Variants in CXADR observed in about 807,000 individuals in gnomAD.
CXADR encodes the protein coxsackievirus and adenovirus receptor.
In CXADR, 20 loss-of-function variants were observed where a neutral mutation model predicts 40.3. The observed-to-expected ratio is 0.50, with a 90% CI of 0.35 to 0.72. The LOEUF (loss-of-function observed/expected upper bound fraction) is 0.72. Ranked by LOEUF, CXADR falls within the 30% of genes least tolerant of loss-of-function variation. The pLI is 0.01. For missense variants in CXADR, 332 were observed against 449.1 expected (o/e 0.74, Z 2.36); for synonymous variants, 150 against 161.3 (o/e 0.93, Z 0.53).
At chr21:17,596,348 G>A (rs80110501), downstream of CXADR, among the ~76,000 whole-genome samples, 964 of 152,000 alleles carry the variant, frequency 6.3e-3, 59 homozygotes, top group East Asian at 0.13. Flanking sequence ...ACCCTCTAGA[G>A]GAAATATTTG....
In CXADR at chr21:17,536,407, T is replaced by G. The variant is rs148313784; in HGVS notation, c.44-10620T>G. Among the ~76,000 whole-genome samples, 618 of 152,286 alleles carry G rather than the reference T, an allele frequency of 4.1e-3. 3 individuals carry two copies. The highest frequency in any genetic ancestry group is 0.014 in the African/African-American group (578 of 41,566). On this transcript the variant is annotated intron_variant, in intron 1 of 6. Coordinates refer to ENST00000284878, the MANE Select transcript of CXADR (RefSeq NM_001338.5). ...CCCATGTAGGCTTCATTGTTCGGGTTCTTTGCTTCTCTGGATGCACAGTCA... is the reference window on the plus strand; with the variant it reads ...CCCATGTAGGCTTCATTGTTCGGGTGCTTTGCTTCTCTGGATGCACAGTCA...
At position 17,569,320 on chromosome 21, in the gene CXADR, A is replaced by G; in HGVS notation, c.*3628A>G. The stretch of plus-strand genomic sequence containing the variant: ...GTCACATAAAGAGTAGTTTGTAGAA[A>G]ATGTTGGCACAATTTTAACTTCTTA... On this transcript the variant is annotated 3_prime_UTR_variant, in exon 7 of 7. Transcript: ENST00000284878. 2 of 985,258 alleles carry G rather than the reference A, an allele frequency of 2.0e-6. No homozygotes were observed. The highest frequency in any genetic ancestry group is 2.4e-6 in the Non-Finnish European group (2 of 829,880). 61.0% of individuals were successfully genotyped at this position (985,258 alleles called of 1,614,324 possible).
intron 7 of CXADR, among the ~76,000 whole-genome samples, chr21:17,581,937 G>A (rs931957192): frequency 1.6e-4 from 23 of 143,466 alleles, no homozygotes; most frequent in Non-Finnish European, 8.0e-5. Context: ...TTGTTTGTTT[G>A]TTTGTTTGTT....
chr21:17,567,882 A>G lies in CXADR; in HGVS notation c.*2190A>G, dbSNP rs1310603753. ...CCTTCCTTTTTTTTTTTAATAACAT[A>G]TGAGGAACAAGACTTCTCTTCCCAT... On this transcript the variant is annotated 3_prime_UTR_variant, in exon 7 of 7. Coordinates refer to ENST00000284878, the MANE Select transcript of CXADR (RefSeq NM_001338.5). The G allele has an allele frequency of 1.0e-6, 1 of 971,966 alleles. No homozygotes were observed. The highest frequency in any genetic ancestry group is 1.2e-6 in the Non-Finnish European group (1 of 818,550). The allele number at this position is 971,966 out of a possible 1,614,324, so 60.2% of individuals were successfully genotyped here. A position where few individuals can be genotyped will look rare whatever the true frequency, so the allele number is the denominator to read the frequency against.
chr21:17,564,321 T>TA (rs35399069), intron 6 of CXADR, among the ~76,000 whole-genome samples: 25,156 of 138,928 alleles, frequency 0.18, 2,255 homozygotes, highest in East Asian at 0.24. Context: ...ATGTCTCTAT[T>TA]AAAAAAAAAA....
At chr21:17,541,559 A>T (rs1395856755) in intron 1 of CXADR, among the ~76,000 whole-genome samples, 1 of 151,204 alleles carries the variant, frequency 6.6e-6, no homozygotes, top group East Asian at 2.0e-4. Context: ...CTCTGTCTCA[A>T]AAAAAAAATC....
chr21:17,608,804 C>G, the CXADR span: 5 of 638,654 alleles, frequency 7.8e-6, no homozygotes, highest in Admixed American at 3.7e-5. Flanking sequence ...ACTCCGCCAA[C>G]AAATACTTGT....
At chr21:17,612,651 T>A in the CXADR span, 1 of 151,884 alleles carries the variant, frequency 6.6e-6, no homozygotes, top group Non-Finnish European at 1.5e-5. Context: ...CCTCCCCCGA[T>A]ACCCACAGCC....
At chr21:17,585,514 G>T (rs75317892) in intron 7 of CXADR, among the ~76,000 whole-genome samples, 5 of 151,258 alleles carry the variant, frequency 3.3e-5, no homozygotes, top group Non-Finnish European at 5.9e-5. Context: ...GTGCTTCTGG[G>T]TGTTTAATTA....
chr21:17,577,611 G>GTTTTTTTTTTTT (rs1569152178), intron 7 of CXADR, among the ~76,000 whole-genome samples: 8 of 46,600 alleles, frequency 1.7e-4, no homozygotes, highest in Admixed American at 3.0e-4. Flanking sequence ...CATTCTGCAA[G>GTTTTTTTTTTTT]CTTTTTTTTT....
At chr21:17,624,231 TCA>T in the CXADR span, among the ~76,000 whole-genome samples, 1,366 of 152,270 alleles carry the variant, frequency 9.0e-3, 17 homozygotes, top group Admixed American at 0.014. Context: ...CAATCAAGTC[TCA>T]CAGTATTAGT....
At chr21:17,612,588 G>C in the CXADR span, 7 of 152,280 alleles carry the variant, frequency 4.6e-5, no homozygotes, top group African/African-American at 1.7e-4. Flanking sequence ...CCTGTCCCCG[G>C]TGCGCCGCCC....
chr21:17,515,300 C>G (rs1299702168), intron 1 of CXADR, among the ~76,000 whole-genome samples: 2 of 152,044 alleles, frequency 1.3e-5, no homozygotes, highest in Non-Finnish European at 2.9e-5. Flanking sequence ...CCAAAAAGAA[C>G]TAGCTAGGTG....
chr21:17,624,045 G>A, the CXADR span, among the ~76,000 whole-genome samples: 3 of 152,000 alleles, frequency 2.0e-5, no homozygotes, highest in African/African-American at 4.8e-5. Context: ...AAGGCTGATC[G>A]TGTCATGCCT....
At chr21:17,541,583 ATTCTCCTCT>A (rs1033324497) in intron 1 of CXADR, among the ~76,000 whole-genome samples, 1 of 144,866 alleles carries the variant, frequency 6.9e-6, no homozygotes, top group Non-Finnish European at 1.5e-5. Context: ...TGTTCCACCT[ATTCTCCTCT>A]TCCCTCTTTC....
chr21:17,589,784 T>C (rs1402852849), intron 7 of CXADR, among the ~76,000 whole-genome samples: 1 of 152,080 alleles, frequency 6.6e-6, no homozygotes, highest in Non-Finnish European at 1.5e-5. Context: ...TGTAGATAAA[T>C]TTCTAGAAGT....
At chr21:17,515,166 G>T (rs1038342059) in intron 1 of CXADR, among the ~76,000 whole-genome samples, 1 of 151,942 alleles carries the variant, frequency 6.6e-6, no homozygotes, top group African/African-American at 2.4e-5. Flanking sequence ...GGCCAGGCAC[G>T]GTGCTTGTAA....
At chr21:17,513,738 G>A (rs1320891214) in intron 1 of CXADR, among the ~76,000 whole-genome samples, 1 of 152,220 alleles carries the variant, frequency 6.6e-6, no homozygotes, top group Non-Finnish European at 1.5e-5. Flanking sequence ...TAGTCTCCTG[G>A]AAGCAGCTCG....
the CXADR span, chr21:17,612,589 T>C: frequency 2.0e-5 from 3 of 149,852 alleles, no homozygotes; most frequent in Admixed American, 6.6e-5. Context: ...CTGTCCCCGG[T>C]GCGCCGCCCG....
Sources: allele counts gnomAD v4.1 joint callset (sites outside exome capture counted in the v4.1 genomes callset), GRCh38; gene constraint gnomAD v4.1.1; transcripts MANE v1.5; gene names NCBI Gene and HGNC (gene_info 2026-07-23, HGNC 2026-07-21).